The following KCNQ3 variants were observed in gnomAD, a reference collection of about 807,000 sequenced individuals.
KCNQ3 encodes the protein potassium voltage-gated channel subfamily Q member 3.
KCNQ3 carries 30 observed loss-of-function variants against 92.5 expected under a neutral mutation model. The observed-to-expected ratio is 0.32, with a 90% CI of 0.24 to 0.44. KCNQ3 has a LOEUF of 0.44. Among genes scored for constraint, KCNQ3 ranks in the 20% least tolerant of loss-of-function variants. KCNQ3 has a pLI of 1.00. For synonymous variants in KCNQ3, 450 were observed against 468.8 expected (o/e 0.96, Z 0.52); for missense variants, 913 against 1,140.3 (o/e 0.80, Z 2.87).
chr8:132,146,255 A>T, intron 9 of KCNQ3, among the ~76,000 whole-genome samples: 1 of 152,274 alleles, frequency 6.6e-6, no homozygotes, highest in East Asian at 1.9e-4. Context: ...ATCAGTGGAT[A>T]AGTAGATTAA....
chr8:132,164,168 T>G (rs1404869948), intron 8 of KCNQ3, among the ~76,000 whole-genome samples: 1 of 152,040 alleles, frequency 6.6e-6, no homozygotes, highest in African/African-American at 2.4e-5. Flanking sequence ...ACTCCCTTCC[T>G]CTTTTCCCTG....
chr8:132,275,864 A>G (rs1353267488), intron 1 of KCNQ3, among the ~76,000 whole-genome samples: 7 of 152,210 alleles, frequency 4.6e-5, no homozygotes, highest in Admixed American at 3.3e-4. Flanking sequence ...GGTGTGAGCC[A>G]CTGTGCCAGC....
At chr8:132,457,829 T>C (rs944550099) in intron 1 of KCNQ3, among the ~76,000 whole-genome samples, 2 of 152,166 alleles carry the variant, frequency 1.3e-5, no homozygotes, top group Admixed American at 1.3e-4. Context: ...CATATTATCC[T>C]ATTTTACCAA....
chr8:132,187,036 TC>T (rs1391517002), intron 1 of KCNQ3, among the ~76,000 whole-genome samples: 1 of 150,608 alleles, frequency 6.6e-6, no homozygotes, highest in African/African-American at 2.4e-5. Flanking sequence ...AAAATGGTTC[TC>T]CCTCTTGGTG....
intron 1 of KCNQ3, among the ~76,000 whole-genome samples, chr8:132,385,957 A>C (rs1819881153): frequency 6.6e-6 from 1 of 152,198 alleles, no homozygotes; most frequent in African/African-American, 2.4e-5. Flanking sequence ...CAAGTCTAAC[A>C]ATTTTGTATC....
intron 1 of KCNQ3, among the ~76,000 whole-genome samples, chr8:132,375,042 C>T (rs1200108070): frequency 6.6e-6 from 1 of 152,022 alleles, no homozygotes; most frequent in Non-Finnish European, 1.5e-5. Context: ...GGTATATACC[C>T]AGTAATGGGA....
chr8:132,369,157 A>G lies in KCNQ3; in HGVS notation c.386+110990T>C, dbSNP rs143285959. On this transcript the variant is annotated intron_variant, in intron 1 of 14. Coordinates refer to ENST00000388996, the MANE Select transcript of KCNQ3 (RefSeq NM_004519.4). ...GGAGGTAAAGTGGCATTCTCATTAC[A>G]TCATATCAAGAGTACATACTATTAA... Among the ~76,000 whole-genome samples the G allele has an allele frequency of 5.3e-3, 803 of 152,236 alleles. 9 individuals carry two copies. The highest frequency in any genetic ancestry group is 0.018 in the African/African-American group (743 of 41,512).
At chr8:132,342,321 T>C (rs1354749775) in intron 1 of KCNQ3, among the ~76,000 whole-genome samples, 1 of 145,136 alleles carries the variant, frequency 6.9e-6, no homozygotes, top group African/African-American at 2.7e-5. Context: ...TTTTTCTTTT[T>C]TCTTTTTTTT....
At chr8:132,411,414 G>A (rs1232434633) in intron 1 of KCNQ3, among the ~76,000 whole-genome samples, 1 of 152,140 alleles carries the variant, frequency 6.6e-6, no homozygotes, top group Non-Finnish European at 1.5e-5. Context: ...GATGCAATAT[G>A]GCTTCTGCCA....
chr8:132,480,696 G>T lies in KCNQ3; in HGVS notation c.-164C>A. 1.1e-5 allele frequency: 8 copies of T among 721,234 alleles called. No homozygotes were observed. The highest frequency in any genetic ancestry group is 1.4e-5 in the Non-Finnish European group (8 of 586,028). 44.7% of individuals were successfully genotyped at this position (721,234 alleles called of 1,614,324 possible). On this transcript the variant is annotated 5_prime_UTR_variant, in exon 1 of 15. Coordinates refer to ENST00000388996, the MANE Select transcript of KCNQ3 (RefSeq NM_004519.4). Reference sequence around the variant, plus strand: ...CCCCCCCCCAAAAGCAGGCAAAGGCGGGCCCCCTGGGGGGCAGGGGAGGCC... The same window carrying T: ...CCCCCCCCCAAAAGCAGGCAAAGGCTGGCCCCCTGGGGGGCAGGGGAGGCC...
rs561094908 is a variant in KCNQ3 at position 132,371,882 on chromosome 8, T to C, written c.386+108265A>G. On this transcript the variant is annotated intron_variant, in intron 1 of 14. Transcript: ENST00000388996. ...GCAAACACATTATGCCACTGCCCTT[T>C]GGTGAGCACCCTTCCTTAGGCTGCG... 2.0e-5 allele frequency among the ~76,000 whole-genome samples: 3 copies of C among 152,326 alleles called. No homozygotes were observed. The East Asian group carries it at 5.8e-4, about 29-fold the overall frequency.
intron 9 of KCNQ3, among the ~76,000 whole-genome samples, chr8:132,158,374 G>C (rs1825872783): frequency 1.3e-5 from 2 of 152,208 alleles, no homozygotes; most frequent in South Asian, 2.1e-4. Context: ...ATGTCACAGG[G>C]AGAAGGCAAA....
intron 1 of KCNQ3, among the ~76,000 whole-genome samples, chr8:132,444,475 AG>A (rs1238321146): frequency 2.6e-5 from 4 of 152,242 alleles, no homozygotes; most frequent in Admixed American, 2.6e-4. Context: ...CATGGTGTGG[AG>A]GACAGGAGCT....
intron 11 of KCNQ3, among the ~76,000 whole-genome samples, chr8:132,139,724 G>A (rs17652604): frequency 0.051 from 7,721 of 152,186 alleles, 310 homozygotes; most frequent in Non-Finnish European, 0.074. Context: ...ACCATTTTGA[G>A]CAAGAAGCCT....
chr8:132,178,752 T>C (rs1826651425), intron 4 of KCNQ3, among the ~76,000 whole-genome samples: 1 of 151,788 alleles, frequency 6.6e-6, no homozygotes, highest in African/African-American at 2.4e-5. Context: ...GAAGGTATGT[T>C]CTGGAGCTGT....
In KCNQ3 at chr8:132,480,311, G is replaced by A. The variant is rs770897063; in HGVS notation, c.222C>T (p.Arg74=). Residue 74 remains arginine (R), a synonymous_variant, in exon 1 of 15, where the codon CGC becomes CGT. Coordinates refer to ENST00000388996, the MANE Select transcript of KCNQ3 (RefSeq NM_004519.4). The part of the protein sequence containing the change: ...DGTLLLEGGG[R]DEGQRRTPQG... ...GCGGGGTCCTCCGCTGCCCCTCGTC[G>A]CGGCCGCCGCCCTCCAGCAGCAGGG... The A allele has an allele frequency of 6.2e-7, 1 of 1,601,856 alleles. No individual in the cohort carries two copies. The highest frequency in any genetic ancestry group is 1.1e-5 in the South Asian group (1 of 89,462).
intron 1 of KCNQ3, among the ~76,000 whole-genome samples, chr8:132,211,227 A>C (rs1041143511): frequency 6.6e-6 from 1 of 152,260 alleles, no homozygotes; most frequent in South Asian, 2.1e-4. Flanking sequence ...TCCAAGATGG[A>C]CAAAAATAGA....
chr8:132,458,760 T>C (rs552631431), intron 1 of KCNQ3, among the ~76,000 whole-genome samples: 1 of 152,372 alleles, frequency 6.6e-6, no homozygotes, highest in Non-Finnish European at 1.5e-5. Flanking sequence ...TGGCCATGAA[T>C]AGTTTTCAAT....
intron 1 of KCNQ3, among the ~76,000 whole-genome samples, chr8:132,371,627 C>G (rs1292760844): frequency 2.0e-5 from 3 of 152,156 alleles, no homozygotes; most frequent in Non-Finnish European, 4.4e-5. Context: ...TAAGTGGGGA[C>G]AAGTATCTTC....
Sources: allele counts gnomAD v4.1 joint callset (sites outside exome capture counted in the v4.1 genomes callset), GRCh38; gene constraint gnomAD v4.1.1; transcripts MANE v1.5; gene names NCBI Gene and HGNC (gene_info 2026-07-23, HGNC 2026-07-21).